COBL: variants seen among roughly 807,000 people sequenced by gnomAD.
COBL encodes the protein cordon-bleu WH2 repeat protein, also known as protein cordon-bleu.
A neutral mutation model predicts 98.8 loss-of-function variants in COBL; 51 were observed. The observed-to-expected ratio is 0.52, with a 90% CI of 0.41 to 0.65. The LOEUF (loss-of-function observed/expected upper bound fraction) is 0.65. Among genes scored for constraint, COBL ranks in the 30% least tolerant of loss-of-function variants. The pLI is 0.00. For synonymous variants in COBL, 634 were observed against 651.7 expected (o/e 0.97, Z 0.41); for missense variants, 1,617 against 1,617.5 (o/e 1.00, Z 0.01).
intron 1 of COBL, among the ~76,000 whole-genome samples, chr7:51,233,654 C>A (rs1156790733): frequency 6.6e-6 from 1 of 152,196 alleles, no homozygotes; most frequent in Admixed American, 6.5e-5. Context: ...CTCCACACAG[C>A]GCATAACTGA....
chr7:51,204,603 GT>G (rs1791489199), intron 2 of COBL, among the ~76,000 whole-genome samples: 1 of 149,178 alleles, frequency 6.7e-6, no homozygotes, highest in African/African-American at 2.5e-5. Context: ...CCAGGCTGGA[GT>G]GCATGGTGCT....
chr7:51,055,657 A>G (rs1790676542), intron 7 of COBL, among the ~76,000 whole-genome samples: 2 of 152,290 alleles, frequency 1.3e-5, no homozygotes, highest in South Asian at 2.1e-4. Context: ...GCATGTTCCC[A>G]GGTGTTGCTG....
chr7:51,136,339 G>A lies in COBL; in HGVS notation c.784-8C>T. On this transcript the variant is annotated splice_region_variant and splice_polypyrimidine_tract_variant and intron_variant, in intron 5 of 12. Coordinates refer to ENST00000265136, the MANE Select transcript of COBL (RefSeq NM_015198.5). ...GGGGGTCGTTAAACAGCCCTGTTGG[G>A]GAAGAGACAAACAGAAAACCAAATC... 2 of 1,606,326 alleles carry A rather than the reference G, an allele frequency of 1.2e-6. No homozygotes were observed. The highest frequency in any genetic ancestry group is 1.7e-6 in the Non-Finnish European group (2 of 1,177,238).
intron 5 of COBL, among the ~76,000 whole-genome samples, chr7:51,155,928 A>T (rs1786084065): frequency 6.6e-6 from 1 of 152,202 alleles, no homozygotes; most frequent in Non-Finnish European, 1.5e-5. Context: ...ATCTCCATGC[A>T]ACCAAGCAAA....
At chr7:51,070,027 C>A (rs540981707) in intron 7 of COBL, among the ~76,000 whole-genome samples, 1 of 151,790 alleles carries the variant, frequency 6.6e-6, no homozygotes, top group Non-Finnish European at 1.5e-5. Flanking sequence ...GCTTCGTTCA[C>A]GTAATAAAAG....
intron 7 of COBL, among the ~76,000 whole-genome samples, chr7:51,073,548 T>A (rs780737634): frequency 5.9e-5 from 9 of 152,214 alleles, no homozygotes; most frequent in Non-Finnish European, 1.2e-4. Flanking sequence ...CCATTTAGTC[T>A]TTTTGTATGC....
chr7:51,182,565 A>G (rs922129519), intron 5 of COBL, among the ~76,000 whole-genome samples: 3 of 151,694 alleles, frequency 2.0e-5, no homozygotes, highest in Non-Finnish European at 4.4e-5. Flanking sequence ...TACAGTTGTG[A>G]GCCACCGCGC....
At chr7:51,216,353 T>C (rs1793045491) in intron 2 of COBL, among the ~76,000 whole-genome samples, 1 of 152,142 alleles carries the variant, frequency 6.6e-6, no homozygotes, top group South Asian at 2.1e-4. Context: ...GCTAATTTTC[T>C]TTACTTTTAG....
chr7:51,051,890 C>T (rs1187438171), intron 7 of COBL, among the ~76,000 whole-genome samples: 2 of 152,162 alleles, frequency 1.3e-5, no homozygotes, highest in African/African-American at 2.4e-5. Flanking sequence ...ACTGAAGTTT[C>T]ATTTTATTGT....
chr7:51,292,182 G>C (rs1800969510), intron 1 of COBL, among the ~76,000 whole-genome samples: 1 of 150,004 alleles, frequency 6.7e-6, no homozygotes, highest in Non-Finnish European at 1.5e-5. Flanking sequence ...ATTGCCAAAT[G>C]TTAAAAACTG....
At chr7:51,252,074 C>CT (rs1228684815) in intron 1 of COBL, among the ~76,000 whole-genome samples, 1 of 151,222 alleles carries the variant, frequency 6.6e-6, no homozygotes, top group Admixed American at 6.6e-5. Flanking sequence ...TCTTTTACAG[C>CT]TTTTTTTTTC....
chr7:51,227,546 G>A (rs1794324499), intron 1 of COBL, among the ~76,000 whole-genome samples: 1 of 152,186 alleles, frequency 6.6e-6, no homozygotes. Flanking sequence ...CACCTGCTAT[G>A]GGTGTGCCCA....
At chr7:51,194,050 C>G (rs1790372581) in intron 2 of COBL, among the ~76,000 whole-genome samples, 1 of 152,134 alleles carries the variant, frequency 6.6e-6, no homozygotes, top group Admixed American at 6.5e-5. Context: ...TTTTATCAAC[C>G]AGGTATTAAT....
intron 7 of COBL, among the ~76,000 whole-genome samples, chr7:51,045,735 T>C (rs1789626441): frequency 6.6e-6 from 1 of 152,120 alleles, no homozygotes; most frequent in Non-Finnish European, 1.5e-5. Flanking sequence ...CCACCCCTTC[T>C]CTAGCCAGTT....
At chr7:51,228,469 T>C (rs928431566) in intron 1 of COBL, among the ~76,000 whole-genome samples, 5 of 151,908 alleles carry the variant, frequency 3.3e-5, no homozygotes, top group African/African-American at 9.7e-5. Context: ...TCAAAATGCC[T>C]AATAAAAGCT....
At chr7:51,073,622 T>C (rs1439051425) in intron 7 of COBL, among the ~76,000 whole-genome samples, 1 of 152,190 alleles carries the variant, frequency 6.6e-6, no homozygotes, top group Non-Finnish European at 1.5e-5. Context: ...AACCATATCA[T>C]AAGCATCACT....
At chr7:51,219,646 G>T in intron 2 of COBL, 95 bp downstream of exon 2, 1 of 1,339,482 alleles carries the variant, frequency 7.5e-7, no homozygotes, top group Non-Finnish European at 1.0e-6. Flanking sequence ...ACCTGATGAG[G>T]AGGAAAATGC....
chr7:51,280,558 T>C (rs1024730558), intron 1 of COBL, among the ~76,000 whole-genome samples: 3 of 152,190 alleles, frequency 2.0e-5, no homozygotes, highest in African/African-American at 7.2e-5. Flanking sequence ...GTAGGTGCAG[T>C]CACAGGATAT....
intron 7 of COBL, among the ~76,000 whole-genome samples, chr7:51,045,288 C>T (rs1425717292): frequency 6.6e-6 from 1 of 152,236 alleles, no homozygotes; most frequent in African/African-American, 2.4e-5. Context: ...TAAGGTAATG[C>T]TGCTGCCCAC....
Sources: gnomAD v4.1 joint callset for allele counts (sites outside exome capture counted in the v4.1 genomes callset) on GRCh38, gnomAD v4.1.1 for gene constraint, MANE v1.5 for transcripts, NCBI Gene and HGNC (gene_info 2026-07-23, HGNC 2026-07-21) for gene names.